The following RAB6B variants were observed in gnomAD, a reference collection of about 807,000 sequenced individuals.
RAB6B encodes the protein ras-related protein Rab-6B.
RAB6B carries 7 observed loss-of-function variants against 31.2 expected under a neutral mutation model. The observed-to-expected ratio is 0.22, with a 90% confidence interval of 0.13 to 0.42. The LOEUF is 0.42. Among genes scored for constraint, RAB6B ranks in the 10% least tolerant of loss-of-function variants. The pLI is 1.00. For synonymous variants in RAB6B, 105 were observed against 104.9 expected (o/e 1.00, Z -0.01); for missense variants, 149 against 280.6 (o/e 0.53, Z 3.35).
intron 2 of RAB6B, among the ~76,000 whole-genome samples, chr3:133,855,644 T>C (rs921048911): frequency 1.6e-4 from 24 of 152,076 alleles, no homozygotes; most frequent in African/African-American, 3.9e-4. Context: ...TCAACTCTTA[T>C]AGCAAAAGAT....
intron 1 of RAB6B, among the ~76,000 whole-genome samples, chr3:133,876,441 TAG>T (rs1380917323): frequency 6.6e-6 from 1 of 152,176 alleles, no homozygotes; most frequent in African/African-American, 2.4e-5. Flanking sequence ...ATCTGCTGTA[TAG>T]AGAGAGTTTC....
At chr3:133,838,092 C>G (rs1325612897) in intron 6 of RAB6B, 74 bp downstream of exon 6, 3 of 1,481,900 alleles carry the variant, frequency 2.0e-6, no homozygotes, top group African/African-American at 1.4e-5. Context: ...CAAGGCAGCT[C>G]TGAGCCTGCA....
At chr3:133,855,738 T>G (rs932688460) in intron 2 of RAB6B, among the ~76,000 whole-genome samples, 1 of 152,200 alleles carries the variant, frequency 6.6e-6, no homozygotes, top group Non-Finnish European at 1.5e-5. Flanking sequence ...TACTAAAGCC[T>G]GGAGCAGAGA....
At chr3:133,861,214 T>C (rs1316693798) in intron 2 of RAB6B, among the ~76,000 whole-genome samples, 1 of 152,176 alleles carries the variant, frequency 6.6e-6, no homozygotes, top group Non-Finnish European at 1.5e-5. Flanking sequence ...AATTACTTAG[T>C]TGGGGTTTTA....
chr3:133,844,018 G>A (rs916386565), intron 2 of RAB6B, among the ~76,000 whole-genome samples: 5 of 152,324 alleles, frequency 3.3e-5, no homozygotes, highest in Middle Eastern at 3.4e-3. Context: ...ATGGAGAAAC[G>A]TATCTCTCAA....
chr3:133,883,150 T>C (rs1238792859), intron 1 of RAB6B, among the ~76,000 whole-genome samples: 2 of 152,182 alleles, frequency 1.3e-5, no homozygotes, highest in Non-Finnish European at 2.9e-5. Context: ...GTCTGGGAAC[T>C]GCAGGGTCAC....
rs189705402 is a variant in RAB6B at position 133,834,167 on chromosome 3, G to T, written c.562+408C>A. 2.0e-3 allele frequency among the ~76,000 whole-genome samples: 300 copies of T among 151,688 alleles called. 2 individuals are homozygous for T. The highest frequency in any genetic ancestry group is 6.9e-3 in the African/African-American group (282 of 41,052). On this transcript the variant is annotated intron_variant, in intron 7 of 7. Transcript: ENST00000285208. ...ACAAGGAGGGGGCATCTGTCTGAAGGGGGGAGCTGTCTTGAGTAGACTGAA... is the reference window on the plus strand; with the variant it reads ...ACAAGGAGGGGGCATCTGTCTGAAGTGGGGAGCTGTCTTGAGTAGACTGAA...
chr3:133,882,111 G>A (rs948886533), intron 1 of RAB6B, among the ~76,000 whole-genome samples: 1 of 152,128 alleles, frequency 6.6e-6, no homozygotes, highest in African/African-American at 2.4e-5. Context: ...TTGGTTCCTT[G>A]TGGTTGTAGG....
At chr3:133,874,141 A>T (rs2108009115) in intron 1 of RAB6B, among the ~76,000 whole-genome samples, 1 of 152,226 alleles carries the variant, frequency 6.6e-6, no homozygotes, top group East Asian at 1.9e-4. Flanking sequence ...AATTTTACTG[A>T]AAAATATCTA....
chr3:133,832,212 G>C (rs1935664366), intron 7 of RAB6B, among the ~76,000 whole-genome samples: 1 of 152,178 alleles, frequency 6.6e-6, no homozygotes, highest in Non-Finnish European at 1.5e-5. Flanking sequence ...AGTGGGGGTT[G>C]GGGGGTTGTG....
At chr3:133,869,089 G>A (rs186927539) in intron 1 of RAB6B, among the ~76,000 whole-genome samples, 34 of 152,264 alleles carry the variant, frequency 2.2e-4, no homozygotes, top group African/African-American at 7.9e-4. Context: ...GGGCAGCCAC[G>A]GGACTGGGAA....
intron 1 of RAB6B, among the ~76,000 whole-genome samples, chr3:133,868,068 G>C (rs1192984718): frequency 6.6e-6 from 1 of 152,114 alleles, no homozygotes; most frequent in Non-Finnish European, 1.5e-5. Flanking sequence ...CTTATTAAAA[G>C]GAGCTCCTCT....
At chr3:133,839,161 G>A (rs1253600469) in intron 5 of RAB6B, among the ~76,000 whole-genome samples, 1 of 152,242 alleles carries the variant, frequency 6.6e-6, no homozygotes, top group Non-Finnish European at 1.5e-5. Flanking sequence ...CAGTGCACAC[G>A]CTGGGGCCTA....
chr3:133,856,663 G>A (rs1936082328), intron 2 of RAB6B, among the ~76,000 whole-genome samples: 1 of 152,200 alleles, frequency 6.6e-6, no homozygotes, highest in Non-Finnish European at 1.5e-5. Context: ...AATGGACTCA[G>A]GATGCAGTTC....
In RAB6B at chr3:133,834,661, C is replaced by A. The variant is rs374441894; in HGVS notation, c.496-20G>T. 5.0e-5 allele frequency: 80 copies of A among 1,611,886 alleles called. No homozygotes were observed. Among genetic ancestry groups the A allele is most frequent in the Non-Finnish European group, 3.7e-5 (44 of 1,178,112 alleles). On this transcript the variant is annotated intron_variant, in intron 6 of 7. Coordinates refer to ENST00000285208, the MANE Select transcript of RAB6B (RefSeq NM_016577.4). Reference sequence around the variant, plus strand: ...AAAAAGCTGGAAAGATGAAGAAATGCAGTGTGAACCCCAACCCTGGCCCTC... The same window carrying A: ...AAAAAGCTGGAAAGATGAAGAAATGAAGTGTGAACCCCAACCCTGGCCCTC...
At chr3:133,878,081 T>C (rs1422428803) in intron 1 of RAB6B, among the ~76,000 whole-genome samples, 1 of 152,102 alleles carries the variant, frequency 6.6e-6, no homozygotes, top group African/African-American at 2.4e-5. Context: ...CTAACATCCA[T>C]GTAACTGGAG....
intron 1 of RAB6B, among the ~76,000 whole-genome samples, chr3:133,870,436 G>C (rs532550334): frequency 6.6e-5 from 10 of 152,200 alleles, no homozygotes; most frequent in Non-Finnish European, 1.2e-4. Flanking sequence ...AGCCAGACTA[G>C]GGGCAGAAAT....
intron 1 of RAB6B, among the ~76,000 whole-genome samples, chr3:133,881,385 C>T (rs1936464933): frequency 6.6e-6 from 1 of 152,222 alleles, no homozygotes; most frequent in African/African-American, 2.4e-5. Context: ...AGGGCTTGAC[C>T]TCAGAGACTG....
chr3:133,858,956 A>ATATG (rs938470934), intron 2 of RAB6B, among the ~76,000 whole-genome samples: 3 of 152,092 alleles, frequency 2.0e-5, no homozygotes, highest in African/African-American at 4.8e-5. Flanking sequence ...AATGTAGCAA[A>ATATG]TATGTATGTA....
Sources: allele counts gnomAD v4.1 joint callset (sites outside exome capture counted in the v4.1 genomes callset), GRCh38; gene constraint gnomAD v4.1.1; transcripts MANE v1.5; gene names NCBI Gene and HGNC (gene_info 2026-07-23, HGNC 2026-07-21).